CSMD1: variants seen among roughly 807,000 people sequenced by gnomAD.
The protein encoded by CSMD1 is CUB and sushi domain-containing protein 1.
In CSMD1, 213 loss-of-function variants were observed where a neutral mutation model predicts 417.5. That is an observed-to-expected ratio of 0.51 (90% CI 0.46 to 0.57). The LOEUF is 0.57. Among genes scored for constraint, CSMD1 ranks in the 20% least tolerant of loss-of-function variants. The pLI, the probability that CSMD1 is intolerant of heterozygous loss-of-function variation, is 0.00. For synonymous variants in CSMD1, 2,862 were observed against 1,736.8 expected, an observed-to-expected ratio of 1.65 and a Z score of -16.11; for missense variants, 6,923 against 4,529.7, an observed-to-expected ratio of 1.53 and a Z score of -15.17.
At chr8:4,813,327 T>C (rs1359962773) in intron 1 of CSMD1, among the ~76,000 whole-genome samples, 1 of 151,880 alleles carries the variant, frequency 6.6e-6, no homozygotes, top group East Asian at 1.9e-4. Flanking sequence ...TGATGAGAAA[T>C]AAAATTTGCT....
chr8:3,717,629 G>A (rs1236860848), intron 6 of CSMD1, among the ~76,000 whole-genome samples: 1 of 152,074 alleles, frequency 6.6e-6, no homozygotes, highest in Admixed American at 6.5e-5. Context: ...GACAACCACT[G>A]TTAGAACGTT....
intron 10 of CSMD1, among the ~76,000 whole-genome samples, chr8:3,510,402 C>T (rs755641682): frequency 6.6e-6 from 1 of 151,784 alleles, no homozygotes; most frequent in Non-Finnish European, 1.5e-5. Context: ...GTCTTTTGAG[C>T]GCAGGCTCTG....
In CSMD1 at chr8:2,968,680, C is replaced by A. The variant is rs189802133; in HGVS notation, c.8924-1934G>T. ...CAACATATCCGCTTTTCTATCAATG[C>A]AATTATGTAAAATTATAAGACAGGA... On this transcript the variant is annotated intron_variant, in intron 57 of 69. Transcript: ENST00000635120. Among the ~76,000 whole-genome samples the A allele has an allele frequency of 6.0e-3, 910 of 151,600 alleles. 7 individuals carry two copies. Among genetic ancestry groups the A allele is most frequent in the African/African-American group, 0.021 (861 of 41,298 alleles).
chr8:4,931,212 A>T (rs1807223411), intron 1 of CSMD1, among the ~76,000 whole-genome samples: 2 of 151,326 alleles, frequency 1.3e-5, no homozygotes, highest in Admixed American at 6.6e-5. Context: ...AATATAACTC[A>T]CTCCCCTTTT....
intron 52 of CSMD1, among the ~76,000 whole-genome samples, chr8:3,014,848 C>T (rs185054860): frequency 8.6e-5 from 13 of 151,834 alleles, no homozygotes; most frequent in Admixed American, 7.9e-4. Flanking sequence ...TCCAGGAGGT[C>T]GAGGTAGCAG....
chr8:3,928,942 A>C (rs555321814), intron 5 of CSMD1, among the ~76,000 whole-genome samples: 11 of 150,582 alleles, frequency 7.3e-5, no homozygotes, highest in African/African-American at 2.7e-4. Flanking sequence ...AACCTGCAAT[A>C]AAATGAATGC....
Position 4,031,865 on chromosome 8 carries a change from G to A in CSMD1, c.610+40C>T, listed in dbSNP as rs756588932. ...AAAGCATCTCCAAAACCATTGCCCT[G>A]CCCTGGAGTCTGCTCACCAGCCCCC... On this transcript the variant is annotated intron_variant, in intron 4 of 69. Transcript: ENST00000635120. 2.2e-5 allele frequency: 34 copies of A among 1,515,080 alleles called. No homozygotes were observed. The East Asian group carries it at 4.2e-4, about 19-fold the overall frequency. The allele number at this position is 1,515,080 out of a possible 1,614,324, so 93.9% of individuals were successfully genotyped here. A position where few individuals can be genotyped will look rare whatever the true frequency, so the allele number is the denominator to read the frequency against.
At chr8:4,157,629 T>A (rs1796908011) in intron 3 of CSMD1, among the ~76,000 whole-genome samples, 1 of 152,180 alleles carries the variant, frequency 6.6e-6, no homozygotes, top group Admixed American at 6.5e-5. Context: ...GAGTTGATTT[T>A]CAGAACAGCT....
At chr8:3,173,976 T>G (rs115073449) in intron 37 of CSMD1, among the ~76,000 whole-genome samples, 1 of 152,168 alleles carries the variant, frequency 6.6e-6, no homozygotes, top group Non-Finnish European at 1.5e-5. Context: ...TTCCAGAATT[T>G]TAATCCTCAT....
intron 5 of CSMD1, among the ~76,000 whole-genome samples, chr8:3,758,646 A>G (rs1335369018): frequency 6.6e-6 from 1 of 152,190 alleles, no homozygotes; most frequent in Non-Finnish European, 1.5e-5. Flanking sequence ...CTCTCTAACA[A>G]CTTGGTGTTT....
intron 3 of CSMD1, among the ~76,000 whole-genome samples, chr8:4,045,109 G>A (rs577671457): frequency 3.3e-5 from 5 of 152,168 alleles, no homozygotes; most frequent in Non-Finnish European, 7.3e-5. Flanking sequence ...GGGAGACACT[G>A]AACATGGCAG....
chr8:3,682,057 C>G (rs1021717100), intron 7 of CSMD1, among the ~76,000 whole-genome samples: 5 of 152,158 alleles, frequency 3.3e-5, no homozygotes, highest in African/African-American at 4.8e-5. Context: ...GGATTAAAGA[C>G]TTAAATGTTA....
In CSMD1 at chr8:3,029,495, A is replaced by G. The variant is rs1455552332; in HGVS notation, c.7679T>C (p.Ile2560Thr). The G allele has an allele frequency of 5.6e-6, 9 of 1,600,180 alleles. No individual in the cohort carries two copies. Among genetic ancestry groups the G allele is most frequent in the South Asian group, 1.1e-5 (1 of 88,694 alleles). ...PTCKPVACPS[I>T]EAQLSEHVIW... The stretch of plus-strand genomic sequence containing the variant: ...GACATGTTCTGAGAGCTGAGCTTCA[A>G]TGCTGGGGCAAGCGACCGCTGGAAG... The change falls in exon 51 of 70, where the codon ATT becomes ACT. Residue 2560 changes from isoleucine to threonine, a missense_variant. Ile to Thr is a moderately conservative substitution (Grantham distance 89). Coordinates refer to ENST00000635120, the MANE Select transcript of CSMD1 (RefSeq NM_033225.6).
intron 49 of CSMD1, among the ~76,000 whole-genome samples, chr8:3,059,352 G>C (rs1315675303): frequency 8.3e-6 from 1 of 120,604 alleles, no homozygotes; most frequent in Non-Finnish European, 2.0e-5. Flanking sequence ...TCCCTTCCCT[G>C]CACAACTTTT....
intron 1 of CSMD1, among the ~76,000 whole-genome samples, chr8:4,700,740 T>G (rs1475569729): frequency 1.3e-5 from 2 of 152,208 alleles, no homozygotes; most frequent in African/African-American, 4.8e-5. Flanking sequence ...CAGCACATTT[T>G]ATTATATGCA....
chr8:4,849,764 G>C (rs1461614110), intron 1 of CSMD1, among the ~76,000 whole-genome samples: 1 of 152,058 alleles, frequency 6.6e-6, no homozygotes, highest in Non-Finnish European at 1.5e-5. Flanking sequence ...AACCATCTTG[G>C]TTTTAGTAAG....
intron 23 of CSMD1, among the ~76,000 whole-genome samples, chr8:3,318,596 C>T (rs1253030611): frequency 6.6e-6 from 1 of 152,180 alleles, no homozygotes; most frequent in East Asian, 1.9e-4. Flanking sequence ...TTTCGTGACA[C>T]AATGCTGTGT....
chr8:4,025,746 G>C lies in CSMD1; in HGVS notation c.610+6159C>G, dbSNP rs957331759. ...TGAATTTTGAGGTCTCATTTTTAAT[G>C]TCAATGTGATGTTTGTTCCCTGTTT... On this transcript the variant is annotated intron_variant, in intron 4 of 69. Coordinates refer to ENST00000635120, the MANE Select transcript of CSMD1 (RefSeq NM_033225.6). 5.3e-5 allele frequency among the ~76,000 whole-genome samples: 8 copies of C among 152,138 alleles called. No individual in the cohort carries two copies. The East Asian group carries it at 1.2e-3, about 22-fold the overall frequency.
At chr8:3,414,486 A>C (rs923280454) in intron 12 of CSMD1, among the ~76,000 whole-genome samples, 1 of 151,840 alleles carries the variant, frequency 6.6e-6, no homozygotes, top group African/African-American at 2.4e-5. Flanking sequence ...GTCTATCATC[A>C]TTTGCCATCA....
Sources: allele counts gnomAD v4.1 joint callset (sites outside exome capture counted in the v4.1 genomes callset), GRCh38; gene constraint gnomAD v4.1.1; transcripts MANE v1.5; gene names NCBI Gene and HGNC (gene_info 2026-07-23, HGNC 2026-07-21).